Variants in ALDH1A1 observed in about 807,000 individuals in gnomAD.
ALDH1A1 encodes aldehyde dehydrogenase 1A1.
Under a neutral mutation model 62.1 loss-of-function variants are expected in ALDH1A1, and 19 were observed. The observed-to-expected ratio is 0.31, with a 90% CI of 0.21 to 0.45. The LOEUF (loss-of-function observed/expected upper bound fraction) is 0.45, where lower values mean the gene tolerates loss of function less well. ALDH1A1 is among the 20% of genes least tolerant of loss of function. ALDH1A1 has a pLI of 1.00. For synonymous variants in ALDH1A1, 231 were observed against 215.9 expected, an observed-to-expected ratio of 1.07 and a Z score of -0.61; for missense variants, 521 against 607.1, an observed-to-expected ratio of 0.86 and a Z score of 1.49.
chr9:72,933,917 C>A (rs1830316485), intron 2 of ALDH1A1, among the ~76,000 whole-genome samples: 2 of 152,104 alleles, frequency 1.3e-5, no homozygotes. Context: ...CCACCTCAGC[C>A]TCTGGAGTAG....
At chr9:72,911,897 T>C in intron 10 of ALDH1A1, 61 bp downstream of exon 10, 1 of 1,580,186 alleles carries the variant, frequency 6.3e-7, no homozygotes, top group Non-Finnish European at 8.7e-7. Flanking sequence ...TGACACTTTG[T>C]ATACACACAA....
intron 2 of ALDH1A1, among the ~76,000 whole-genome samples, chr9:72,938,595 C>T (rs776977469): frequency 4.6e-5 from 7 of 152,022 alleles, no homozygotes; most frequent in African/African-American, 9.7e-5. Context: ...TACAGGCATG[C>T]GCCACCATGC....
intron 11 of ALDH1A1, among the ~76,000 whole-genome samples, chr9:72,907,407 C>CTGTTTTTCA (rs1160384410): frequency 3.3e-5 from 5 of 152,192 alleles, no homozygotes; most frequent in Admixed American, 6.5e-5. Flanking sequence ...ATGGTCCCCT[C>CTGTTTTTCA]TGTTTTTCAT....
At chr9:72,922,162 C>G (rs1312231931) in intron 7 of ALDH1A1, among the ~76,000 whole-genome samples, 1 of 152,028 alleles carries the variant, frequency 6.6e-6, no homozygotes, top group African/African-American at 2.4e-5. Flanking sequence ...ACTGAGCGCT[C>G]AGTAGGGTGA....
chr9:72,950,913 G>T (rs2118588625), intron 1 of ALDH1A1, among the ~76,000 whole-genome samples: 1 of 151,464 alleles, frequency 6.6e-6, no homozygotes, highest in East Asian at 1.9e-4. Context: ...ATTCTTCACT[G>T]GGACATAGTA....
At chr9:72,933,146 A>G (rs1443593165) in intron 2 of ALDH1A1, among the ~76,000 whole-genome samples, 1 of 152,206 alleles carries the variant, frequency 6.6e-6, no homozygotes, top group Non-Finnish European at 1.5e-5. Context: ...TGATATGAAA[A>G]CAACCCAGAT....
chr9:72,916,093 C>T (rs1175298129), intron 9 of ALDH1A1, among the ~76,000 whole-genome samples: 2 of 152,102 alleles, frequency 1.3e-5, no homozygotes, highest in Admixed American at 1.3e-4. Context: ...GCATCTCTGG[C>T]CTCTACTCAC....
intron 1 of ALDH1A1, among the ~76,000 whole-genome samples, chr9:72,945,990 C>A (rs1315183611): frequency 6.6e-6 from 1 of 151,832 alleles, no homozygotes. Flanking sequence ...TTGTTGTTTG[C>A]AAAACCCCAT....
chr9:72,908,563 GAAAGAAAGAAAGAAAGA>G (rs1384573898), intron 11 of ALDH1A1, among the ~76,000 whole-genome samples: 6 of 18,938 alleles, frequency 3.2e-4, no homozygotes, highest in African/African-American at 4.2e-4. Context: ...AAGAAAGAAA[GAAAGAAAGAAAGAAAGA>G]AAGAAAGAAA....
intron 1 of ALDH1A1, among the ~76,000 whole-genome samples, chr9:72,949,082 T>C (rs111930506): frequency 7.2e-5 from 11 of 152,002 alleles, no homozygotes; most frequent in Middle Eastern, 3.4e-3. Context: ...AGCAATCTCC[T>C]ACTCTAACCA....
intron 3 of ALDH1A1, 126 bp downstream of exon 3, chr9:72,930,753 C>CA (rs1337413438): frequency 3.5e-6 from 4 of 1,139,308 alleles, no homozygotes; most frequent in African/African-American, 3.1e-5. Context: ...TTCATTGGGA[C>CA]AAAAAATGTT....
At chr9:72,938,877 G>A (rs1160106782) in intron 2 of ALDH1A1, among the ~76,000 whole-genome samples, 1 of 150,072 alleles carries the variant, frequency 6.7e-6, no homozygotes, top group African/African-American at 2.5e-5. Context: ...CCAGTAGCTG[G>A]GATTACAGGA....
chr9:72,948,819 T>C (rs967736461), intron 1 of ALDH1A1, among the ~76,000 whole-genome samples: 1 of 151,704 alleles, frequency 6.6e-6, no homozygotes, highest in Admixed American at 6.6e-5. Flanking sequence ...ATTCAAGGCC[T>C]TGTTAAATAA....
chr9:72,903,172 A>T lies in ALDH1A1; in HGVS notation c.1434-1892T>A, dbSNP rs544108560. Among the ~76,000 whole-genome samples, 15 of 152,146 alleles carry T rather than the reference A, an allele frequency of 9.9e-5. No individual in the cohort carries two copies. The South Asian group carries it at 2.9e-3, about 29-fold the overall frequency. ...CCTTTTCTATGGGACAGGAGGAAAA[A>T]AATATGGTGGGAGGGGCTAAGAGCC... On this transcript the variant is annotated intron_variant, in intron 12 of 12. Transcript: ENST00000297785.
chr9:72,901,967 A>G (rs1166230542), intron 12 of ALDH1A1, among the ~76,000 whole-genome samples: 1 of 152,004 alleles, frequency 6.6e-6, no homozygotes, highest in African/African-American at 2.4e-5. Flanking sequence ...TTTATTTAAA[A>G]CTTTTAAATT....
intron 9 of ALDH1A1, 26 bp from the exon 10 acceptor site, chr9:72,912,148 G>T (rs1275358790): frequency 1.3e-6 from 2 of 1,585,746 alleles, no homozygotes; most frequent in East Asian, 4.5e-5. Context: ...CACATGAAAA[G>T]AAAAAAAGTA....
intron 1 of ALDH1A1, among the ~76,000 whole-genome samples, chr9:72,941,916 G>A (rs1178908592): frequency 6.6e-6 from 1 of 152,078 alleles, no homozygotes; most frequent in African/African-American, 2.4e-5. Flanking sequence ...CTAAATAAAG[G>A]GAAAAGGGGC....
In ALDH1A1 at chr9:72,909,827, AT is replaced by A. The variant is rs568816254; in HGVS notation, c.1201-69del. 1.5e-4 allele frequency: 205 copies of A among 1,367,770 alleles called. No homozygotes were observed. The African/African-American group carries it at 2.4e-3, about 16-fold the overall frequency. 84.7% of individuals were successfully genotyped at this position (1,367,770 alleles called of 1,614,324 possible). Reference sequence around the variant, plus strand: ...TGAAATATTTTAAATGATATCGTAGATTTTTTTTCCTACACGCTATCCTAAA... The same window carrying A: ...TGAAATATTTTAAATGATATCGTAGATTTTTTTCCTACACGCTATCCTAAA... On this transcript the variant is annotated intron_variant, in intron 10 of 12. Transcript: ENST00000297785.
chr9:72,904,223 T>C lies in ALDH1A1; in HGVS notation c.1433+1735A>G, dbSNP rs566122490. Among the ~76,000 whole-genome samples, 168 of 152,110 alleles carry C rather than the reference T, an allele frequency of 1.1e-3. 2 individuals carry two copies. Among genetic ancestry groups the C allele is most frequent in the Non-Finnish European group, 8.8e-4 (60 of 67,982 alleles). On this transcript the variant is annotated intron_variant, in intron 12 of 12. Coordinates refer to ENST00000297785, the MANE Select transcript of ALDH1A1 (RefSeq NM_000689.5). Reference sequence around the variant, plus strand: ...AGCTGGTCAGACTCCAGTAATGTTTTCTCAGCTACGCCATGCATTTTTGAT... The same window carrying C: ...AGCTGGTCAGACTCCAGTAATGTTTCCTCAGCTACGCCATGCATTTTTGAT...
Sources: gnomAD v4.1 joint callset for allele counts (sites outside exome capture counted in the v4.1 genomes callset) on GRCh38, gnomAD v4.1.1 for gene constraint, MANE v1.5 for transcripts, NCBI Gene and HGNC (gene_info 2026-07-23, HGNC 2026-07-21) for gene names.